The following TBK1 variants were observed in gnomAD, a reference collection of about 807,000 sequenced individuals.
TBK1 encodes serine/threonine-protein kinase TBK1.
In TBK1, 37 loss-of-function variants were observed where a neutral mutation model predicts 99.9. The observed-to-expected ratio is 0.37, with a 90% CI of 0.28 to 0.49. TBK1 has a LOEUF of 0.49. TBK1 is among the 20% of genes least tolerant of loss of function. TBK1 has a pLI of 0.98. For synonymous variants in TBK1, 258 were observed against 279.8 expected, an observed-to-expected ratio of 0.92 and a Z score of 0.78; for missense variants, 644 against 872.5, an observed-to-expected ratio of 0.74 and a Z score of 3.30.
intron 6 of TBK1, 68 bp from the exon 7 acceptor site, chr12:64,479,944 T>C (rs1242428701): frequency 9.4e-7 from 1 of 1,065,248 alleles, no homozygotes; most frequent in Non-Finnish European, 1.4e-6. Flanking sequence ...GAAATACTTT[T>C]GCAAAGCCCA....
chr12:64,477,605 T>A (rs1026883739), intron 6 of TBK1, among the ~76,000 whole-genome samples: 2 of 152,186 alleles, frequency 1.3e-5, no homozygotes, highest in African/African-American at 4.8e-5. Context: ...TGAAGAGAGA[T>A]AATTTGACTA....
chr12:64,469,056 C>G (rs2040635055), intron 5 of TBK1, among the ~76,000 whole-genome samples: 1 of 152,006 alleles, frequency 6.6e-6, no homozygotes, highest in Non-Finnish European at 1.5e-5. Flanking sequence ...CCCAGGATGC[C>G]TATGGGGTCC....
At chr12:64,484,149 G>T (rs2040795434) in intron 8 of TBK1, 154 bp from the exon 9 acceptor site, 5 of 568,196 alleles carry the variant, frequency 8.8e-6, no homozygotes, top group African/African-American at 1.9e-5. Context: ...ATGGAATGGA[G>T]TTTGTAGTAT....
At chr12:64,470,299 TTAA>T (rs1327686745) in intron 5 of TBK1, among the ~76,000 whole-genome samples, 2 of 152,184 alleles carry the variant, frequency 1.3e-5, no homozygotes, top group African/African-American at 4.8e-5. Flanking sequence ...ATAGCATATC[TTAA>T]TAATGTAAAG....
rs1265155260 is a variant in TBK1, at chr12:64,480,045, A to G, written c.735A>G (p.Ala245=). 5 of 1,612,784 alleles carry G rather than the reference A, an allele frequency of 3.1e-6. 1 individual carries two copies. Among genetic ancestry groups the G allele is most frequent in the South Asian group, 2.2e-5 (2 of 90,832 alleles). The change falls in exon 7 of 21, where the codon GCA becomes GCG. Residue 245 remains alanine, a synonymous_variant. Coordinates refer to ENST00000331710, the MANE Select transcript of TBK1 (RefSeq NM_013254.4). Reference sequence around the variant, plus strand: ...TAATTACAGGAAAGCCTTCTGGTGCAATATCTGGAGTACAGAAAGCAGAAA... The same window carrying G: ...TAATTACAGGAAAGCCTTCTGGTGCGATATCTGGAGTACAGAAAGCAGAAA... ...YKIITGKPSG[A]ISGVQKAENG...
chr12:64,466,597 AC>A (rs2040606884), intron 4 of TBK1, among the ~76,000 whole-genome samples: 1 of 152,092 alleles, frequency 6.6e-6, no homozygotes, highest in African/African-American at 2.4e-5. Flanking sequence ...CATATATATA[AC>A]CAAAGTAATT....
At position 64,456,710 on chromosome 12, in the gene TBK1, C is replaced by T. The variant is rs373982382; in HGVS notation, c.87+753C>T. Among the ~76,000 whole-genome samples, 15 of 151,808 alleles carry T rather than the reference C, an allele frequency of 9.9e-5. No homozygotes were observed. In the East Asian group the frequency reaches 1.4e-3, roughly 14 times the overall value. ...AAAAAAAATTAGCCAGGCGTGGTGG[C>T]GGGCGCCTGTAGTCCCAGCTACTCG... On this transcript the variant is annotated intron_variant, in intron 2 of 20. Coordinates refer to ENST00000331710, the MANE Select transcript of TBK1 (RefSeq NM_013254.4).
chr12:64,474,074 G>C (rs1411210152), intron 5 of TBK1, among the ~76,000 whole-genome samples, 156 bp from the exon 6 acceptor site: 1 of 152,172 alleles, frequency 6.6e-6, no homozygotes, highest in Non-Finnish European at 1.5e-5. Context: ...GAGGTTTGAG[G>C]AGGGAGGGGA....
intron 5 of TBK1, among the ~76,000 whole-genome samples, chr12:64,469,642 G>C (rs1319937620): frequency 6.6e-6 from 1 of 152,158 alleles, no homozygotes; most frequent in Non-Finnish European, 1.5e-5. Context: ...TTAGAGCAGT[G>C]AGCCTCCAAT....
rs548437624 is a variant in TBK1 at position 64,460,348 on chromosome 12, A to G, written c.228+19A>G. On this transcript the variant is annotated intron_variant, in intron 3 of 20. Coordinates refer to ENST00000331710, the MANE Select transcript of TBK1 (RefSeq NM_013254.4). ...AGAGGAGGTAAGTAGTAAAACTTCA[A>G]TCTTATATTTATTGTAGTTACGAGT... The G allele has an allele frequency of 5.2e-5, 78 of 1,512,030 alleles. No individual in the cohort carries two copies. Among genetic ancestry groups the G allele is most frequent in the Admixed American group, 8.7e-5 (4 of 45,984 alleles). The allele number at this position is 1,512,030 out of a possible 1,614,324, so 93.7% of individuals were successfully genotyped here. A position where few individuals can be genotyped will look rare whatever the true frequency, so the allele number is the denominator to read the frequency against.
intron 18 of TBK1, 68 bp from the exon 19 acceptor site, chr12:64,497,580 T>TA: frequency 9.6e-7 from 1 of 1,046,558 alleles, no homozygotes; most frequent in Non-Finnish European, 1.4e-6. Context: ...GTCAGATCTG[T>TA]AGTAAGTACT....
chr12:64,482,965 G>A (rs1367466317), intron 8 of TBK1, among the ~76,000 whole-genome samples: 1 of 152,198 alleles, frequency 6.6e-6, no homozygotes, highest in Admixed American at 6.5e-5. Flanking sequence ...TGGTTGTGAT[G>A]CTTTGCTATA....
At chr12:64,458,122 TAC>T (rs2040508853) in intron 2 of TBK1, among the ~76,000 whole-genome samples, 2 of 117,442 alleles carry the variant, frequency 1.7e-5, no homozygotes, top group South Asian at 5.4e-4. Flanking sequence ...CACACACACA[TAC>T]ACACACGAAA....
At chr12:64,460,954 G>T (rs896843122) in intron 3 of TBK1, among the ~76,000 whole-genome samples, 1 of 151,810 alleles carries the variant, frequency 6.6e-6, no homozygotes, top group African/African-American at 2.4e-5. Flanking sequence ...GGAGGTGTAC[G>T]CCTGTAGTTC....
chr12:64,465,255 A>AAAAAAAAAAAC (rs2040590854), intron 4 of TBK1, among the ~76,000 whole-genome samples: 2 of 151,054 alleles, frequency 1.3e-5, no homozygotes, highest in Non-Finnish European at 3.0e-5. Context: ...AAAAAAAAAA[A>AAAAAAAAAAAC]AAAAAAAAAC....
rs367853480 is a variant in TBK1, at chr12:64,495,635, T to C, written c.1643+31T>C. On this transcript the variant is annotated intron_variant, in intron 14 of 20. Transcript: ENST00000331710. Reference sequence around the variant, plus strand: ...TTATAGCTTTATGCGTAGTTTCTGCTCTTATTAATGTCCTTTTTCACATTG... The same window carrying C: ...TTATAGCTTTATGCGTAGTTTCTGCCCTTATTAATGTCCTTTTTCACATTG... 3.7e-6 allele frequency: 6 copies of C among 1,613,112 alleles called. No homozygotes were observed. In the African/African-American group the frequency reaches 8.0e-5, roughly 22 times the overall value.
chr12:64,473,275 T>C (rs375742354), intron 5 of TBK1, among the ~76,000 whole-genome samples: 5 of 152,158 alleles, frequency 3.3e-5, no homozygotes, highest in East Asian at 1.9e-4. Context: ...AGCATACATA[T>C]GATATTTAAT....
At chr12:64,484,000 C>CT (rs2040793083) in intron 8 of TBK1, 1 of 165,124 alleles carries the variant, frequency 6.1e-6, no homozygotes, top group Admixed American at 6.5e-5. Context: ...GAGCGAAACT[C>CT]TGTCTCACAT....
At chr12:64,454,810 G>A (rs1427772082) in intron 1 of TBK1, among the ~76,000 whole-genome samples, 2 of 150,632 alleles carry the variant, frequency 1.3e-5, no homozygotes, top group Non-Finnish European at 2.9e-5. Context: ...CCGAGTAGCT[G>A]GGTCTACAGG....
Sources: allele counts gnomAD v4.1 joint callset (sites outside exome capture counted in the v4.1 genomes callset), GRCh38; gene constraint gnomAD v4.1.1; transcripts MANE v1.5; gene names NCBI Gene and HGNC (gene_info 2026-07-23, HGNC 2026-07-21).